OXR1: variants seen among roughly 807,000 people sequenced by gnomAD.
OXR1 encodes oxidation resistance protein 1.
In OXR1, 41 loss-of-function variants were observed where a neutral mutation model predicts 104.6. That is an observed-to-expected ratio of 0.39 (90% CI 0.31 to 0.51). OXR1 has a LOEUF of 0.51. Among genes scored for constraint, OXR1 ranks in the 20% least tolerant of loss-of-function variants. The pLI, the probability that OXR1 is intolerant of heterozygous loss-of-function variation, is 0.77. For missense variants in OXR1, 955 were observed against 1,031.9 expected, an observed-to-expected ratio of 0.93 and a Z score of 1.02; for synonymous variants, 348 against 348.4, an observed-to-expected ratio of 1.00 and a Z score of 0.01.
At chr8:106,576,290 G>C (rs1309604843) in intron 3 of OXR1, among the ~76,000 whole-genome samples, 2 of 151,626 alleles carry the variant, frequency 1.3e-5, no homozygotes, top group African/African-American at 4.8e-5. Flanking sequence ...ATTATTTTCT[G>C]TATCTCGTAA....
intron 2 of OXR1, among the ~76,000 whole-genome samples, chr8:106,463,885 T>A (rs1476103949): frequency 6.6e-6 from 1 of 152,120 alleles, no homozygotes; most frequent in Non-Finnish European, 1.5e-5. Context: ...ACCTGAGCTC[T>A]AAGCCTGACT....
intron 7 of OXR1, among the ~76,000 whole-genome samples, chr8:106,695,988 G>A (rs1829990362): frequency 7.6e-6 from 1 of 130,720 alleles, no homozygotes; most frequent in South Asian, 2.5e-4. Context: ...AGGCACCAAG[G>A]AAAGCCCATA....
At chr8:106,487,181 G>A (rs909948826) in intron 2 of OXR1, among the ~76,000 whole-genome samples, 4 of 151,496 alleles carry the variant, frequency 2.6e-5, no homozygotes, top group South Asian at 4.2e-4. Flanking sequence ...GTGCTACCAC[G>A]CCCAGCTAAT....
chr8:106,642,362 G>T (rs989019878), intron 3 of OXR1, among the ~76,000 whole-genome samples: 3 of 152,148 alleles, frequency 2.0e-5, no homozygotes, highest in African/African-American at 2.4e-5. Flanking sequence ...TACAAGAGAA[G>T]TTTATTCTTG....
chr8:106,313,874 T>C (rs992823465), intron 1 of OXR1, among the ~76,000 whole-genome samples: 3 of 152,216 alleles, frequency 2.0e-5, no homozygotes, highest in Admixed American at 6.5e-5. Flanking sequence ...AGAAACTTTC[T>C]GAAAACTGAA....
chr8:106,660,627 C>T (rs1394471112), intron 3 of OXR1, among the ~76,000 whole-genome samples: 1 of 152,088 alleles, frequency 6.6e-6, no homozygotes, highest in Non-Finnish European at 1.5e-5. Context: ...AGGAGTTACG[C>T]ATCAAGAAGG....
At chr8:106,440,034 T>C (rs1237813041) in intron 2 of OXR1, among the ~76,000 whole-genome samples, 1 of 152,082 alleles carries the variant, frequency 6.6e-6, no homozygotes, top group African/African-American at 2.4e-5. Context: ...TTCACTGAAT[T>C]GACCTTTTAT....
At chr8:106,397,288 T>C (rs951146672) in intron 2 of OXR1, among the ~76,000 whole-genome samples, 1 of 152,104 alleles carries the variant, frequency 6.6e-6, no homozygotes, top group African/African-American at 2.4e-5. Flanking sequence ...TTAAGGGTAG[T>C]AAGTAAACCC....
intron 3 of OXR1, among the ~76,000 whole-genome samples, chr8:106,619,695 A>C (rs1313302775): frequency 2.0e-5 from 3 of 152,210 alleles, no homozygotes; most frequent in Non-Finnish European, 2.9e-5. Flanking sequence ...TTAGTATTAA[A>C]CATGGAGCTG....
chr8:106,461,527 T>A (rs1225315606), intron 2 of OXR1, among the ~76,000 whole-genome samples: 2 of 152,144 alleles, frequency 1.3e-5, no homozygotes, highest in East Asian at 3.9e-4. Flanking sequence ...ATCACGCCAC[T>A]GCATTCCAGC....
intron 1 of OXR1, among the ~76,000 whole-genome samples, chr8:106,275,252 C>G (rs1308145288): frequency 6.6e-6 from 1 of 152,200 alleles, no homozygotes; most frequent in African/African-American, 2.4e-5. Context: ...GGGGTCAGTT[C>G]TTGTCTCCCT....
At chr8:106,607,815 C>CTTTTTT (rs908000108) in intron 3 of OXR1, among the ~76,000 whole-genome samples, 1 of 139,592 alleles carries the variant, frequency 7.2e-6, no homozygotes, top group Non-Finnish European at 1.6e-5. Flanking sequence ...TTTTCTTTTT[C>CTTTTTT]TTTTTTTTTT....
chr8:106,608,130 T>C (rs905381192), intron 3 of OXR1, among the ~76,000 whole-genome samples: 15 of 151,862 alleles, frequency 9.9e-5, no homozygotes, highest in Non-Finnish European at 1.8e-4. Flanking sequence ...AAAAACATTA[T>C]TTTTTTTAAA....
At chr8:106,472,790 T>TC (rs1317757650) in intron 2 of OXR1, among the ~76,000 whole-genome samples, 3 of 151,890 alleles carry the variant, frequency 2.0e-5, no homozygotes, top group African/African-American at 7.2e-5. Flanking sequence ...CAGGAATTTC[T>TC]CTTTGTTAAG....
intron 8 of OXR1, among the ~76,000 whole-genome samples, chr8:106,704,393 C>CTTCTTTTTTTTTTTT (rs1830917410): frequency 2.1e-5 from 1 of 47,890 alleles, no homozygotes; most frequent in Non-Finnish European, 3.5e-5. Flanking sequence ...CTTTCTTCTT[C>CTTCTTTTTTTTTTTT]TTTTTTTTTT....
At chr8:106,615,577 C>T (rs1047122964) in intron 3 of OXR1, among the ~76,000 whole-genome samples, 3 of 148,338 alleles carry the variant, frequency 2.0e-5, no homozygotes, top group African/African-American at 7.5e-5. Flanking sequence ...TGCTGCACTC[C>T]ACTCTTGGCA....
At chr8:106,619,492 G>C (rs1021464265) in intron 3 of OXR1, among the ~76,000 whole-genome samples, 1 of 152,076 alleles carries the variant, frequency 6.6e-6, no homozygotes, top group African/African-American at 2.4e-5. Context: ...GATTGGTTTT[G>C]AGCCCAAACA....
Position 106,453,352 on chromosome 8 carries a change from G to GA in OXR1, c.24-65586dup, listed in dbSNP as rs763444048. 2.0e-5 allele frequency among the ~76,000 whole-genome samples: 3 copies of GA among 152,128 alleles called. No homozygotes were observed. The East Asian group carries it at 5.8e-4, about 29-fold the overall frequency. Reference sequence around the variant, plus strand: ...AAAGTACATGGACCACTTTGAAAATGAAAAATATGTTTGATGATAGAATAG... The same window carrying GA: ...AAAGTACATGGACCACTTTGAAAATGAAAAAATATGTTTGATGATAGAATAG... On this transcript the variant is annotated intron_variant, in intron 2 of 16. Coordinates refer to ENST00000517566, the MANE Select transcript of OXR1 (RefSeq NM_001198533.2).
intron 1 of OXR1, among the ~76,000 whole-genome samples, chr8:106,274,600 A>ACCCCCCCCCCCAC (rs11322065): frequency 9.2e-6 from 1 of 108,866 alleles, no homozygotes; most frequent in Non-Finnish European, 1.9e-5. Context: ...CAGCAACGCC[A>ACCCCCCCCCCCAC]CCCCCCCCCC....
Sources: allele counts gnomAD v4.1 joint callset (sites outside exome capture counted in the v4.1 genomes callset), GRCh38; gene constraint gnomAD v4.1.1; transcripts MANE v1.5; gene names NCBI Gene and HGNC (gene_info 2026-07-23, HGNC 2026-07-21).